HIP1: variants seen among roughly 807,000 people sequenced by gnomAD.
HIP1 encodes the protein huntingtin interacting protein 1.
HIP1 carries 65 observed loss-of-function variants against 147.6 expected under a neutral mutation model. The observed-to-expected ratio is 0.44, with a 90% confidence interval of 0.36 to 0.54. HIP1 has a LOEUF of 0.54. Among genes scored for constraint, HIP1 ranks in the 20% least tolerant of loss-of-function variants. HIP1 has a pLI of 0.00. For synonymous variants in HIP1, 479 were observed against 504.0 expected, an observed-to-expected ratio of 0.95 and a Z score of 0.67; for missense variants, 1,061 against 1,299.6, an observed-to-expected ratio of 0.82 and a Z score of 2.82.
chr7:75,648,023 A>G (rs1426756399), intron 1 of HIP1, among the ~76,000 whole-genome samples: 1 of 152,240 alleles, frequency 6.6e-6, no homozygotes, highest in Non-Finnish European at 1.5e-5. Context: ...TGTAGGCCAC[A>G]GAAAGACAGC....
intron 1 of HIP1, among the ~76,000 whole-genome samples, chr7:75,684,992 G>A (rs190868130): frequency 0.018 from 2,780 of 152,274 alleles, 41 homozygotes; most frequent in Non-Finnish European, 0.029. Flanking sequence ...TCGGGAGGCT[G>A]AGGCAGGAGA....
intron 1 of HIP1, among the ~76,000 whole-genome samples, chr7:75,688,937 G>A (rs1415213164): frequency 3.3e-5 from 5 of 152,170 alleles, no homozygotes; most frequent in African/African-American, 4.8e-5. Context: ...GCAGCCACGC[G>A]CAGGACCCCT....
At chr7:75,581,779 AAAAAAC>A (rs1158809166) in intron 6 of HIP1, among the ~76,000 whole-genome samples, 3 of 152,144 alleles carry the variant, frequency 2.0e-5, no homozygotes, top group Non-Finnish European at 4.4e-5. Context: ...ACTGCCTCTC[AAAAAAC>A]AAAAACAAAA....
intron 27 of HIP1, 119 bp from the exon 28 acceptor site, chr7:75,543,093 G>A (rs1554490282): frequency 8.6e-6 from 9 of 1,048,044 alleles, no homozygotes; most frequent in Non-Finnish European, 4.0e-6. Context: ...TCACCAATCA[G>A]CTTCTCAAAA....
intron 1 of HIP1, among the ~76,000 whole-genome samples, chr7:75,657,314 T>C (rs908970878): frequency 2.0e-5 from 3 of 152,096 alleles, no homozygotes; most frequent in African/African-American, 7.2e-5. Flanking sequence ...GCAGATCACC[T>C]GAGGTCAGGA....
chr7:75,701,284 C>T (rs1448181270), intron 1 of HIP1, among the ~76,000 whole-genome samples: 1 of 152,078 alleles, frequency 6.6e-6, no homozygotes, highest in African/African-American at 2.4e-5. Context: ...ATCTCAGCCA[C>T]CTTAACGGCT....
At chr7:75,620,071 T>C (rs1205910570) in intron 1 of HIP1, among the ~76,000 whole-genome samples, 1 of 152,200 alleles carries the variant, frequency 6.6e-6, no homozygotes, top group Non-Finnish European at 1.5e-5. Flanking sequence ...CTGGAAGGCC[T>C]ATCATATGCC....
In HIP1 at chr7:75,544,686, A is replaced by G. The variant is rs782114714; in HGVS notation, c.2766+9T>C. 5.4e-5 allele frequency: 85 copies of G among 1,567,350 alleles called. No homozygotes were observed. The East Asian group carries it at 1.8e-3, about 33-fold the overall frequency. ...TTCCAGCGTCCTAGGAGGTCCAGCC[A>G]GGTCCTACCTTGGATGCAGCCACAA... On this transcript the variant is annotated intron_variant, in intron 27 of 30. Coordinates refer to ENST00000336926, the MANE Select transcript of HIP1 (RefSeq NM_005338.7).
intron 29 of HIP1, 102 bp downstream of exon 29, chr7:75,541,817 G>T: frequency 1.2e-6 from 1 of 835,320 alleles, no homozygotes. Flanking sequence ...GTTAGTAGGT[G>T]CACCTGTGTT....
intron 15 of HIP1, among the ~76,000 whole-genome samples, 176 bp from the exon 16 acceptor site, chr7:75,557,946 A>C (rs587776306): frequency 1.3e-5 from 2 of 152,308 alleles, no homozygotes; most frequent in East Asian, 3.9e-4. Context: ...AAATATTTAC[A>C]AAATAATAAA....
At chr7:75,594,455 C>T (rs1166554939) in intron 2 of HIP1, among the ~76,000 whole-genome samples, 1 of 152,048 alleles carries the variant, frequency 6.6e-6, no homozygotes, top group Admixed American at 6.6e-5. Flanking sequence ...CCACCCTCTG[C>T]AGATAGTTGT....
At chr7:75,710,654 T>A (rs7799513) in intron 1 of HIP1, among the ~76,000 whole-genome samples, 104,049 of 152,006 alleles carry the variant, frequency 0.68, 36,032 homozygotes, top group African/African-American at 0.78. Context: ...TTGGGAGGCT[T>A]AAGTGGGAGG....
chr7:75,587,206 G>A lies in HIP1; in HGVS notation c.385-373C>T, dbSNP rs587715489. ...TCCACCTGCTTTGGCCTCCCAAAAG[G>A]CTAGGATTACACTACAGGTGTGAGC... On this transcript the variant is annotated intron_variant, in intron 4 of 30. Transcript: ENST00000336926. Among the ~76,000 whole-genome samples the A allele has an allele frequency of 3.3e-5, 5 of 152,232 alleles. No individual in the cohort carries two copies. The East Asian group carries it at 9.7e-4, about 29-fold the overall frequency.
At chr7:75,581,945 G>A (rs1477066161) in intron 6 of HIP1, 130 bp downstream of exon 6, 5 of 692,616 alleles carry the variant, frequency 7.2e-6, no homozygotes, top group African/African-American at 1.8e-5. Flanking sequence ...CCAAGGCCAA[G>A]TCACCCAGGG....
chr7:75,621,559 T>C (rs1797848715), intron 1 of HIP1, among the ~76,000 whole-genome samples: 1 of 152,146 alleles, frequency 6.6e-6, no homozygotes, highest in South Asian at 2.1e-4. Context: ...CTGGCCTCCC[T>C]GGAAGGTTTT....
intron 1 of HIP1, among the ~76,000 whole-genome samples, chr7:75,650,409 C>T (rs1228516830): frequency 6.6e-6 from 1 of 150,880 alleles, no homozygotes; most frequent in Non-Finnish European, 1.5e-5. Flanking sequence ...TCCACTGCTT[C>T]TCCGCTGGAG....
At chr7:75,661,275 TA>T (rs35661628) in intron 1 of HIP1, among the ~76,000 whole-genome samples, 43,038 of 135,612 alleles carry the variant, frequency 0.32, 6,700 homozygotes, top group South Asian at 0.39. Context: ...GAGACCCTGT[TA>T]AAAAAAAAAA....
At chr7:75,710,378 T>A (rs1801135834) in intron 1 of HIP1, among the ~76,000 whole-genome samples, 2 of 152,228 alleles carry the variant, frequency 1.3e-5, no homozygotes, top group African/African-American at 4.8e-5. Context: ...TCATGGTGTA[T>A]AATTTTTTTT....
intron 4 of HIP1, among the ~76,000 whole-genome samples, chr7:75,589,319 G>GTC (rs1554500222): frequency 4.6e-5 from 7 of 151,972 alleles, no homozygotes; most frequent in Non-Finnish European, 8.8e-5. Flanking sequence ...AGACAAATAG[G>GTC]TAGAAAAAAC....
Sources: gnomAD v4.1 joint callset for allele counts (sites outside exome capture counted in the v4.1 genomes callset) on GRCh38, gnomAD v4.1.1 for gene constraint, MANE v1.5 for transcripts, NCBI Gene and HGNC (gene_info 2026-07-23, HGNC 2026-07-21) for gene names.